Variants in GPC6 observed in about 807,000 individuals in gnomAD.
GPC6 encodes the protein glypican-6.
GPC6 carries 14 observed loss-of-function variants against 55.2 expected under a neutral mutation model. That is an observed-to-expected ratio of 0.25 (90% CI 0.17 to 0.40). GPC6 has a LOEUF of 0.40. Ranked by LOEUF, GPC6 falls within the 10% of genes least tolerant of loss-of-function variation. The probability of loss-of-function intolerance (pLI) is 1.00; values close to 1 mark genes in which losing one functional copy is unlikely to be tolerated. For missense variants in GPC6, 641 were observed against 708.5 expected, an observed-to-expected ratio of 0.90 and a Z score of 1.08; for synonymous variants, 278 against 259.6, an observed-to-expected ratio of 1.07 and a Z score of -0.68.
chr13:93,736,852 G>T (rs368853220), intron 2 of GPC6, among the ~76,000 whole-genome samples: 20 of 152,222 alleles, frequency 1.3e-4, no homozygotes, highest in African/African-American at 4.1e-4. Context: ...CACTGTTAAG[G>T]TTCTTATTTA....
At chr13:94,004,107 A>G (rs933239487) in intron 3 of GPC6, among the ~76,000 whole-genome samples, 1 of 152,186 alleles carries the variant, frequency 6.6e-6, no homozygotes, top group Non-Finnish European at 1.5e-5. Flanking sequence ...GTACTTTCAT[A>G]GAGTAATCTC....
intron 1 of GPC6, among the ~76,000 whole-genome samples, chr13:93,252,682 G>T (rs1594053780): frequency 6.6e-6 from 1 of 152,124 alleles, no homozygotes; most frequent in African/African-American, 2.4e-5. Flanking sequence ...TTCTCAAATT[G>T]CCTCTAAGAT....
chr13:93,702,033 G>A (rs1882686635), intron 2 of GPC6, among the ~76,000 whole-genome samples: 1 of 152,022 alleles, frequency 6.6e-6, no homozygotes, highest in East Asian at 1.9e-4. Context: ...CCAGAAGAGT[G>A]AACTCTTTCC....
upstream of GPC6, among the ~76,000 whole-genome samples, chr13:93,226,403 G>GA (rs1480933585): frequency 1.3e-5 from 2 of 152,094 alleles, no homozygotes; most frequent in African/African-American, 4.8e-5. Context: ...TGTGCCTTTA[G>GA]AAAAAAACAA....
At chr13:94,311,333 T>C (rs1453475521) in intron 6 of GPC6, among the ~76,000 whole-genome samples, 1 of 152,076 alleles carries the variant, frequency 6.6e-6, no homozygotes, top group South Asian at 2.1e-4. Context: ...CACACCCAGA[T>C]AATTTTTGTA....
At position 93,239,692 on chromosome 13, in the gene GPC6, G is replaced by A. The variant is rs569053722; in HGVS notation, c.160+12076G>A. 8.0e-5 allele frequency among the ~76,000 whole-genome samples: 12 copies of A among 150,796 alleles called. 1 individual carries two copies. The South Asian group carries it at 2.5e-3, about 32-fold the overall frequency. On this transcript the variant is annotated intron_variant, in intron 1 of 8. Transcript: ENST00000377047. ...GCTACCTTTGGGTTTGGTTTGTCTT[G>A]TTTTTCTAGCTCCTTGAGGTGTGAC...
At chr13:93,627,394 A>T (rs993408139) in intron 2 of GPC6, among the ~76,000 whole-genome samples, 2 of 152,116 alleles carry the variant, frequency 1.3e-5, no homozygotes, top group African/African-American at 2.4e-5. Flanking sequence ...TAACCTCACT[A>T]TCATGAGGAC....
intron 4 of GPC6, among the ~76,000 whole-genome samples, chr13:94,085,343 AAGG>A: frequency 1.3e-5 from 2 of 148,484 alleles, no homozygotes; most frequent in African/African-American, 2.5e-5. Context: ...AAAAAAAAAA[AAGG>A]GAAGAAAAAG....
intron 1 of GPC6, among the ~76,000 whole-genome samples, chr13:93,496,771 A>T (rs889678100): frequency 6.6e-6 from 1 of 152,124 alleles, no homozygotes; most frequent in African/African-American, 2.4e-5. Flanking sequence ...GTAATTTAGA[A>T]CCTATTCTAT....
chr13:94,110,108 G>T (rs1326532245), intron 4 of GPC6, among the ~76,000 whole-genome samples: 1 of 151,494 alleles, frequency 6.6e-6, no homozygotes, highest in Non-Finnish European at 1.5e-5. Flanking sequence ...GTAGTGATAG[G>T]CAAGGGTCAC....
chr13:93,308,441 T>A (rs1878952342), intron 1 of GPC6, among the ~76,000 whole-genome samples: 1 of 152,178 alleles, frequency 6.6e-6, no homozygotes, highest in African/African-American at 2.4e-5. Flanking sequence ...TCTATAGTCA[T>A]GTGTTATTTA....
In GPC6 at chr13:93,660,189, C is replaced by T. The variant is rs752906336; in HGVS notation, c.319+114768C>T. 4.6e-5 allele frequency among the ~76,000 whole-genome samples: 7 copies of T among 152,010 alleles called. No homozygotes were observed. In the East Asian group the frequency reaches 7.7e-4, roughly 17 times the overall value. On this transcript the variant is annotated intron_variant, in intron 2 of 8. Transcript: ENST00000377047. Reference sequence around the variant, plus strand: ...ATGCCATTTAACATTTTCAAAAGCACGCAGTTAAAAATTCTCATTTCCAAG... The same window carrying T: ...ATGCCATTTAACATTTTCAAAAGCATGCAGTTAAAAATTCTCATTTCCAAG...
intron 2 of GPC6, among the ~76,000 whole-genome samples, chr13:93,638,295 A>G (rs1262743541): frequency 2.0e-5 from 3 of 152,120 alleles, no homozygotes; most frequent in African/African-American, 7.2e-5. Flanking sequence ...TAGCCCTTTT[A>G]TGCAATTTTA....
At chr13:94,356,580 T>C (rs1211649341) in intron 6 of GPC6, among the ~76,000 whole-genome samples, 3 of 152,218 alleles carry the variant, frequency 2.0e-5, no homozygotes, top group African/African-American at 7.2e-5. Context: ...TTTATCTGCA[T>C]GATCTGCCTG....
At chr13:93,240,143 T>G (rs1326272895) in intron 1 of GPC6, among the ~76,000 whole-genome samples, 1 of 152,106 alleles carries the variant, frequency 6.6e-6, no homozygotes, top group Non-Finnish European at 1.5e-5. Flanking sequence ...CTCTGTTAGG[T>G]CCATTTGTCC....
At chr13:93,832,114 A>ATATATATATATATATAT (rs1887528137) in intron 3 of GPC6, among the ~76,000 whole-genome samples, 1 of 64,620 alleles carries the variant, frequency 1.5e-5, no homozygotes, top group South Asian at 5.4e-4. Context: ...AAAAAAAAAA[A>ATATATATATATATATAT]AAAAAAAAAT....
intron 4 of GPC6, among the ~76,000 whole-genome samples, chr13:94,063,459 A>G (rs1329183479): frequency 6.6e-6 from 1 of 152,176 alleles, no homozygotes; most frequent in Admixed American, 6.5e-5. Context: ...GACTGCTAAC[A>G]TAGGAATTTT....
chr13:93,871,479 C>T (rs1295441091), intron 3 of GPC6, among the ~76,000 whole-genome samples: 4 of 151,930 alleles, frequency 2.6e-5, no homozygotes, highest in Non-Finnish European at 5.9e-5. Context: ...CCTGTTTGAT[C>T]TGTGCTCATC....
chr13:93,527,130 A>G (rs1242687127), intron 1 of GPC6, among the ~76,000 whole-genome samples: 2 of 152,100 alleles, frequency 1.3e-5, no homozygotes, highest in African/African-American at 4.8e-5. Context: ...ATACATATAC[A>G]GAATGAAATG....
Sources: gnomAD v4.1 joint callset for allele counts (sites outside exome capture counted in the v4.1 genomes callset) on GRCh38, gnomAD v4.1.1 for gene constraint, MANE v1.5 for transcripts, NCBI Gene and HGNC (gene_info 2026-07-23, HGNC 2026-07-21) for gene names.